CPAMD8: variants seen among roughly 807,000 people sequenced by gnomAD.
CPAMD8 encodes C3 and PZP-like alpha-2-macroglobulin domain-containing protein 8.
Under a neutral mutation model 224.7 loss-of-function variants are expected in CPAMD8, and 146 were observed. The observed-to-expected ratio is 0.65, with a 90% CI of 0.57 to 0.75. The LOEUF (loss-of-function observed/expected upper bound fraction) is 0.75. Among genes scored for constraint, CPAMD8 ranks in the 30% least tolerant of loss-of-function variants. The pLI, the probability that CPAMD8 is intolerant of heterozygous loss-of-function variation, is 0.00. For synonymous variants in CPAMD8, 966 were observed against 1,044.6 expected (o/e 0.92, Z 1.45); for missense variants, 2,301 against 2,537.5 (o/e 0.91, Z 2.00).
chr19:17,002,664 T>C lies in CPAMD8; in HGVS notation c.674-314A>G, dbSNP rs529921416. ...AGGCCAGGAGGCTCCTCCTAGCCCC[T>C]GTGTCTGTGCATGGGATAGAGGTGG... On this transcript the variant is annotated intron_variant, in intron 8 of 41. Coordinates refer to ENST00000443236, the MANE Select transcript of CPAMD8 (RefSeq NM_015692.5). 9 of 236,328 alleles carry C rather than the reference T, an allele frequency of 3.8e-5. No individual in the cohort carries two copies. In the East Asian group the frequency reaches 6.6e-4, roughly 17 times the overall value. 14.6% of individuals were successfully genotyped at this position (236,328 alleles called of 1,614,324 possible). A position where few individuals can be genotyped will look rare whatever the true frequency, so the allele number is the denominator to read the frequency against.
At chr19:16,980,038 C>T (rs780218857) in intron 14 of CPAMD8, among the ~76,000 whole-genome samples, 16 of 152,112 alleles carry the variant, frequency 1.1e-4, no homozygotes, top group Non-Finnish European at 2.1e-4. Context: ...GAGTGATCCA[C>T]CCCCTTATAT....
At chr19:16,968,661 CAG>C (rs1555779528) in intron 18 of CPAMD8, among the ~76,000 whole-genome samples, 2 of 152,092 alleles carry the variant, frequency 1.3e-5, no homozygotes, top group Non-Finnish European at 2.9e-5. Flanking sequence ...AAATTAGAGA[CAG>C]AGTCTCACTC....
intron 19 of CPAMD8, among the ~76,000 whole-genome samples, chr19:16,953,141 G>C (rs1165702918): frequency 6.6e-6 from 1 of 152,086 alleles, no homozygotes; most frequent in African/African-American, 2.4e-5. Flanking sequence ...AACAAATACT[G>C]CTAGAAAAAG....
At chr19:16,916,959 C>T (rs139619156) in intron 27 of CPAMD8, among the ~76,000 whole-genome samples, 250 of 152,136 alleles carry the variant, frequency 1.6e-3, no homozygotes, top group Middle Eastern at 3.4e-3. Context: ...ATTTTGGGCA[C>T]GGCAGGGAAA....
rs771446644 is a variant in CPAMD8, at chr19:16,928,048, C to G, written c.3331G>C (p.Ala1111Pro). The change falls in exon 25 of 42, where the codon GCC becomes CCC. Residue 1111 changes from alanine to proline, a missense_variant. By Grantham distance (27) the Ala-to-Pro change is conservative. Around this residue, in one of 4 missense-constraint regions of CPAMD8, gnomAD observed 1,709 missense variants for 1,753.2 expected, o/e 0.97. Transcript: ENST00000443236. Reference sequence around the variant, plus strand: ...GTGGCTCGCTCAGACCCAGGGATGGCGCCGTGTGGGACCCCCAGGGTGAAG... The same window carrying G: ...GTGGCTCGCTCAGACCCAGGGATGGGGCCGTGTGGGACCCCCAGGGTGAAG... Reference protein sequence around the residue: ...EAFTLGVPHGAIPGSERATAS... With the variant: ...EAFTLGVPHGPIPGSERATAS... 1.9e-6 allele frequency: 3 copies of G among 1,613,754 alleles called. No individual in the cohort carries two copies. Among genetic ancestry groups the G allele is most frequent in the Non-Finnish European group, 2.5e-6 (3 of 1,179,786 alleles).
intron 16 of CPAMD8, among the ~76,000 whole-genome samples, 159 bp downstream of exon 16, chr19:16,975,843 G>C (rs1169077557): frequency 2.6e-5 from 4 of 152,176 alleles, no homozygotes; most frequent in Admixed American, 2.6e-4. Context: ...GGATTTATCA[G>C]ACACCCATTA....
intron 19 of CPAMD8, among the ~76,000 whole-genome samples, chr19:16,957,182 T>A (rs1364222458): frequency 6.6e-6 from 1 of 152,190 alleles, no homozygotes; most frequent in Non-Finnish European, 1.5e-5. Flanking sequence ...GGCCCCCAGC[T>A]GCGTGCCTGG....
chr19:17,019,424 GTGGTGTGTGTCCTTTAACTGAAACTA>G (rs780106297), intron 3 of CPAMD8, among the ~76,000 whole-genome samples: 1 of 152,092 alleles, frequency 6.6e-6, no homozygotes, highest in Non-Finnish European at 1.5e-5. Flanking sequence ...CGCCCGGCCA[GTGGTGTGTGTCCTTTAACTGAAACTA>G]TGAAAAGAAA....
intron 20 of CPAMD8, among the ~76,000 whole-genome samples, chr19:16,949,512 A>G (rs1486930007): frequency 6.6e-6 from 1 of 152,144 alleles, no homozygotes; most frequent in Admixed American, 6.6e-5. Flanking sequence ...CTACCTGGCC[A>G]TTCTGAGTCT....
Position 16,902,752 on chromosome 19 carries a change from C to A in CPAMD8, c.4582G>T (p.Ala1528Ser), listed in dbSNP as rs748947166. 6.3e-7 allele frequency: 1 copy of A among 1,595,202 alleles called. No homozygotes were observed. The highest frequency in any genetic ancestry group is 1.3e-5 in the African/African-American group (1 of 74,460). Residue 1528 changes from alanine (A) to serine (S), a missense_variant, in exon 35 of 42, where the codon GCA becomes TCA. Ala to Ser is a moderately conservative substitution (Grantham distance 99). Around this residue, in one of 4 missense-constraint regions of CPAMD8, gnomAD observed 1,709 missense variants for 1,753.2 expected, o/e 0.97. Transcript: ENST00000443236. ...CAGTCTCCTCGGGAACCCTCAGCTGCGGAGGCAGGCATGGGGGGCGGGCGT... is the reference window on the plus strand; with the variant it reads ...CAGTCTCCTCGGGAACCCTCAGCTGAGGAGGCAGGCATGGGGGGCGGGCGT... ...QGRPPPMPASAAEGSRGDWPP... is the reference protein window; with the variant it reads ...QGRPPPMPASSAEGSRGDWPP...
chr19:16,966,132 A>G (rs2054820476), intron 18 of CPAMD8, among the ~76,000 whole-genome samples: 1 of 152,190 alleles, frequency 6.6e-6, no homozygotes, highest in Non-Finnish European at 1.5e-5. Flanking sequence ...TGGTACTGGT[A>G]CCAAAACAGA....
intron 23 of CPAMD8, among the ~76,000 whole-genome samples, chr19:16,935,681 C>T (rs911906968): frequency 6.6e-6 from 1 of 152,114 alleles, no homozygotes. Flanking sequence ...CAGTTTGGGG[C>T]TACTACAAAT....
At chr19:17,008,641 CCTCT>C (rs2123113162) in intron 6 of CPAMD8, 82 bp from the exon 7 acceptor site, 1 of 1,458,024 alleles carries the variant, frequency 6.9e-7, no homozygotes, top group South Asian at 1.1e-5. Context: ...TTTTCCCAGT[CCTCT>C]CTCTTGGGCA....
chr19:16,992,339 C>G (rs946058820), intron 12 of CPAMD8, among the ~76,000 whole-genome samples: 2 of 152,178 alleles, frequency 1.3e-5, no homozygotes, highest in African/African-American at 4.8e-5. Flanking sequence ...CCTATAATCC[C>G]TATGCTTTGG....
chr19:16,894,657 G>C (rs2051888543), intron 41 of CPAMD8: 1 of 350,204 alleles, frequency 2.9e-6, no homozygotes, highest in Non-Finnish European at 5.8e-6. Context: ...TGGGCTCTGG[G>C]TGTCCATGTG....
Position 16,893,292 on chromosome 19 carries a change from C to T in CPAMD8, c.5474G>A (p.Ser1825Asn). 1 of 1,556,068 alleles carries T rather than the reference C, an allele frequency of 6.4e-7. No homozygotes were observed. The highest frequency in any genetic ancestry group is 8.7e-7 in the Non-Finnish European group (1 of 1,149,542). ...GAACGGGCTGGCGCTCTGGGTGCTG[C>T]TTTCCAGGTTCCCGCTGCTCACAGG... ...RPPVSSGNLE[S>N]STQSASPFHR... Residue 1825 changes from serine (S) to asparagine (N), a missense_variant, in exon 42 of 42, where the codon AGC becomes AAC. By Grantham distance (46) the Ser-to-Asn change is conservative. Coordinates refer to ENST00000443236, the MANE Select transcript of CPAMD8 (RefSeq NM_015692.5).
At chr19:16,933,221 A>C (rs2053594487) in intron 23 of CPAMD8, among the ~76,000 whole-genome samples, 1 of 152,174 alleles carries the variant, frequency 6.6e-6, no homozygotes, top group African/African-American at 2.4e-5. Flanking sequence ...GCCACTTTGT[A>C]GTGTAAAACT....
chr19:16,953,929 C>A (rs1234622108), intron 19 of CPAMD8, among the ~76,000 whole-genome samples: 1 of 152,020 alleles, frequency 6.6e-6, no homozygotes, highest in Non-Finnish European at 1.5e-5. Context: ...CAATGAGATG[C>A]CACTTCATGT....
At chr19:16,945,209 C>T (rs1229174266) in intron 22 of CPAMD8, among the ~76,000 whole-genome samples, 1 of 152,168 alleles carries the variant, frequency 6.6e-6, no homozygotes, top group Non-Finnish European at 1.5e-5. Context: ...GCCCCAAATG[C>T]TGAGTCATGG....
Sources: gnomAD v4.1 joint callset for allele counts (sites outside exome capture counted in the v4.1 genomes callset) on GRCh38, gnomAD v4.1.1 for gene constraint, gnomAD v4.1.1 regional missense constraint, MANE v1.5 for transcripts, NCBI Gene and HGNC (gene_info 2026-07-23, HGNC 2026-07-21) for gene names.